Variants in LCMT1 observed in about 807,000 individuals in gnomAD.
The protein encoded by LCMT1 is [Phosphatase 2A protein]-leucine-carboxy methyltransferase 1.
In LCMT1, 32 loss-of-function variants were observed where a neutral mutation model predicts 47.7. That is an observed-to-expected ratio of 0.67 (90% confidence interval 0.51 to 0.90). The LOEUF (loss-of-function observed/expected upper bound fraction) is 0.90. Ranked by LOEUF, LCMT1 falls within the 40% of genes least tolerant of loss-of-function variation. LCMT1 has a pLI of 0.00. For synonymous variants in LCMT1, 152 were observed against 149.7 expected (o/e 1.02, Z -0.11); for missense variants, 375 against 415.2 (o/e 0.90, Z 0.84).
In LCMT1 at chr16:25,123,798, G is replaced by A. The variant is rs903148178; in HGVS notation, c.114-4677G>A. On this transcript the variant is annotated intron_variant, in intron 1 of 10. Transcript: ENST00000399069. ...AATTTTTTGTATTTTTAGTAGAGAC[G>A]GAGTTTCACCATGTTGGCCAGGCTG... is the stretch of plus-strand genomic sequence containing the variant. Among the ~76,000 whole-genome samples, 8 of 150,918 alleles carry A rather than the reference G, an allele frequency of 5.3e-5. No homozygotes were observed. The East Asian group carries it at 5.8e-4, about 11-fold the overall frequency.
intron 1 of LCMT1, among the ~76,000 whole-genome samples, chr16:25,126,330 T>C (rs965489304): frequency 1.3e-5 from 2 of 152,266 alleles, no homozygotes; most frequent in Admixed American, 1.3e-4. Flanking sequence ...CCCCAGTTTC[T>C]TACTGTCCTC....
intron 1 of LCMT1, among the ~76,000 whole-genome samples, chr16:25,119,628 A>G (rs546660902): frequency 6.6e-6 from 1 of 152,232 alleles, no homozygotes; most frequent in African/African-American, 2.4e-5. Context: ...TTTCAGCTGC[A>G]TGGAAAAATG....
At chr16:25,172,013 A>G (rs1370965641) in intron 9 of LCMT1, among the ~76,000 whole-genome samples, 1 of 152,148 alleles carries the variant, frequency 6.6e-6, no homozygotes, top group Non-Finnish European at 1.5e-5. Context: ...ATCCCATTTA[A>G]GGGTACATAG....
chr16:25,151,972 G>C (rs1024442216), intron 5 of LCMT1, among the ~76,000 whole-genome samples: 1 of 152,140 alleles, frequency 6.6e-6, no homozygotes, highest in African/African-American at 2.4e-5. Context: ...TATTTATGAA[G>C]GGCGAACTGT....
intron 6 of LCMT1, 61 bp downstream of exon 6, chr16:25,161,265 G>A (rs1961425345): frequency 1.1e-6 from 1 of 875,112 alleles, no homozygotes; most frequent in Non-Finnish European, 1.8e-6. Flanking sequence ...TATGAGATAA[G>A]GCCAGTCGGA....
rs115847341 is a variant in LCMT1 at position 25,123,370 on chromosome 16, A to G, written c.114-5105A>G. On this transcript the variant is annotated intron_variant, in intron 1 of 10. Coordinates refer to ENST00000399069, the MANE Select transcript of LCMT1 (RefSeq NM_016309.3). ...CTCTTGAGAAGCTGGGTTTACAGAC[A>G]TGCACCACCATGCCCAGCTAATTTC... Among the ~76,000 whole-genome samples, 1,334 of 151,474 alleles carry G rather than the reference A, an allele frequency of 8.8e-3. 20 individuals are homozygous for G. The highest frequency in any genetic ancestry group is 0.03 in the African/African-American group (1,253 of 41,328).
intron 4 of LCMT1, chr16:25,142,043 C>T (rs1960710839): frequency 6.6e-6 from 1 of 152,230 alleles, no homozygotes; most frequent in South Asian, 2.1e-4. Context: ...TTGCGTTGTA[C>T]ATTATCCACA....
chr16:25,111,832 G>A lies in LCMT1; in HGVS notation c.-52G>A, dbSNP rs1959623343. On this transcript the variant is annotated 5_prime_UTR_variant, in exon 1 of 11. Transcript: ENST00000399069. ...CTCGCGCCGTCCCCCGCCGCCCGTC[G>A]ACCCCGCTTCCATGTCCCTGGCGGA... 7.0e-6 allele frequency: 9 copies of A among 1,289,454 alleles called. No individual in the cohort carries two copies. The highest frequency in any genetic ancestry group is 8.8e-6 in the Non-Finnish European group (8 of 904,248). The allele number at this position is 1,289,454 out of a possible 1,614,324, so 79.9% of individuals were successfully genotyped here.
intron 6 of LCMT1, among the ~76,000 whole-genome samples, chr16:25,161,548 G>A (rs967881356): frequency 1.3e-5 from 2 of 151,934 alleles, no homozygotes; most frequent in African/African-American, 4.8e-5. Context: ...TAGAGATGGG[G>A]TTTCTCCATG....
intron 10 of LCMT1, among the ~76,000 whole-genome samples, chr16:25,176,284 G>A (rs1046398346): frequency 5.9e-5 from 9 of 152,144 alleles, no homozygotes; most frequent in Non-Finnish European, 1.2e-4. Context: ...TTAGATCCCA[G>A]TTCCGGCCTT....
intron 1 of LCMT1, among the ~76,000 whole-genome samples, chr16:25,123,187 A>G (rs1044770821): frequency 1.4e-5 from 2 of 139,566 alleles, no homozygotes; most frequent in Admixed American, 1.4e-4. Flanking sequence ...GTATTTCCCC[A>G]TTGATTTGAG....
At chr16:25,137,735 T>C (rs558842321) in intron 3 of LCMT1, among the ~76,000 whole-genome samples, 1 of 136,064 alleles carries the variant, frequency 7.3e-6, no homozygotes, top group South Asian at 2.3e-4. Flanking sequence ...TGAGCCACTG[T>C]ACTTGGCGTC....
intron 3 of LCMT1, among the ~76,000 whole-genome samples, chr16:25,133,810 G>T (rs1056887484): frequency 7.3e-5 from 11 of 151,358 alleles, no homozygotes; most frequent in African/African-American, 2.4e-4. Flanking sequence ...GAGGTGGGCA[G>T]ATCACTTGAG....
rs34311865 is a variant in LCMT1 at position 25,132,858 on chromosome 16, C to CT, written c.327+352dup. On this transcript the variant is annotated intron_variant, in intron 3 of 10. Transcript: ENST00000399069. ...GGAGAGCTCATGCATGCATTTGTAA[C>CT]TTTTTTTTTTTTTTTTTGAGCCAGA... 1.7e-3 allele frequency among the ~76,000 whole-genome samples: 246 copies of CT among 140,584 alleles called. 1 individual carries two copies. Among genetic ancestry groups the CT allele is most frequent in the Middle Eastern group, 7.1e-3 (2 of 282 alleles). 92.2% of individuals were successfully genotyped at this position (140,584 alleles called of 152,430 possible). A position where few individuals can be genotyped will look rare whatever the true frequency, so the allele number is the denominator to read the frequency against.
intron 10 of LCMT1, among the ~76,000 whole-genome samples, chr16:25,176,631 G>A (rs1331005338): frequency 6.1e-5 from 7 of 114,170 alleles, no homozygotes; most frequent in African/African-American, 1.0e-4. Context: ...GCATGATCTC[G>A]TCTCACTGCA....
chr16:25,154,782 C>T (rs551174867), intron 5 of LCMT1, among the ~76,000 whole-genome samples: 7 of 152,224 alleles, frequency 4.6e-5, no homozygotes, highest in African/African-American at 1.4e-4. Context: ...CCACTGCACC[C>T]GGCCAGATGT....
chr16:25,131,680 CTTCTTT>C (rs1475323632), intron 2 of LCMT1, among the ~76,000 whole-genome samples: 1 of 152,090 alleles, frequency 6.6e-6, no homozygotes, highest in Non-Finnish European at 1.5e-5. Context: ...GTGATCTTTT[CTTCTTT>C]ATTTCCATCT....
chr16:25,147,861 T>TC, intron 4 of LCMT1: 1 of 152,318 alleles, frequency 6.6e-6, no homozygotes, highest in Non-Finnish European at 1.5e-5. Flanking sequence ...GGCTCATTTT[T>TC]CCTGTTTTTT....
intron 5 of LCMT1, 39 bp downstream of exon 5, chr16:25,151,654 T>G (rs749279429): frequency 2.6e-6 from 4 of 1,555,800 alleles, no homozygotes; most frequent in Non-Finnish European, 3.5e-6. Context: ...TGTATCAGTA[T>G]TTTTGCTTCC....
Sources: gnomAD v4.1 joint callset for allele counts (sites outside exome capture counted in the v4.1 genomes callset) on GRCh38, gnomAD v4.1.1 for gene constraint, MANE v1.5 for transcripts, NCBI Gene and HGNC (gene_info 2026-07-23, HGNC 2026-07-21) for gene names.